The following CDC42BPA variants were observed in gnomAD, a reference collection of about 807,000 sequenced individuals.
The protein encoded by CDC42BPA is CDC42 binding protein kinase alpha, also known as serine/threonine-protein kinase MRCK alpha.
In CDC42BPA, 80 loss-of-function variants were observed where a neutral mutation model predicts 223.5. The observed-to-expected ratio is 0.36, with a 90% CI of 0.30 to 0.43. CDC42BPA has a LOEUF of 0.43. CDC42BPA is among the 20% of genes least tolerant of loss of function. CDC42BPA has a pLI of 1.00. For missense variants in CDC42BPA, 1,743 were observed against 2,099.9 expected, an observed-to-expected ratio of 0.83 and a Z score of 3.32; for synonymous variants, 694 against 718.6, an observed-to-expected ratio of 0.97 and a Z score of 0.55.
chr1:227,130,673 G>A (rs1356293426), intron 10 of CDC42BPA, among the ~76,000 whole-genome samples: 8 of 152,024 alleles, frequency 5.3e-5, no homozygotes, highest in African/African-American at 1.9e-4. Context: ...TGGCCAACAT[G>A]GTGAAACCCC....
chr1:227,279,825 G>C (rs1338566637), intron 1 of CDC42BPA, among the ~76,000 whole-genome samples: 1 of 152,136 alleles, frequency 6.6e-6, no homozygotes. Flanking sequence ...GGGAAGCCAA[G>C]GTGGGCAGAT....
intron 22 of CDC42BPA, among the ~76,000 whole-genome samples, chr1:227,048,608 ATCTT>A (rs1422251069): frequency 1.3e-5 from 2 of 151,730 alleles, no homozygotes; most frequent in Non-Finnish European, 2.9e-5. Flanking sequence ...CACATACCAT[ATCTT>A]TCTTAGGTAG....
chr1:227,139,514 A>C, intron 10 of CDC42BPA, 62 bp downstream of exon 10: 1 of 1,107,552 alleles, frequency 9.0e-7, no homozygotes, highest in Non-Finnish European at 1.2e-6. Context: ...CACTTATAAT[A>C]AACAGCTCAT....
At chr1:227,131,801 T>C (rs1657160021) in intron 10 of CDC42BPA, among the ~76,000 whole-genome samples, 1 of 152,120 alleles carries the variant, frequency 6.6e-6, no homozygotes, top group South Asian at 2.1e-4. Context: ...AGTGAGAAAA[T>C]AAATCCATAT....
intron 32 of CDC42BPA, among the ~76,000 whole-genome samples, chr1:227,019,623 G>A (rs1666991579): frequency 6.6e-6 from 1 of 152,200 alleles, no homozygotes; most frequent in Non-Finnish European, 1.5e-5. Flanking sequence ...AGACTTGAAA[G>A]TCAAAATTAC....
intron 16 of CDC42BPA, among the ~76,000 whole-genome samples, chr1:227,090,433 T>C (rs952534394): frequency 2.0e-5 from 3 of 152,198 alleles, no homozygotes; most frequent in Admixed American, 6.5e-5. Context: ...TGGAGGAAAA[T>C]ACTAGATATC....
chr1:227,054,633 T>C (rs1170037640), intron 21 of CDC42BPA, among the ~76,000 whole-genome samples: 1 of 152,192 alleles, frequency 6.6e-6, no homozygotes, highest in Non-Finnish European at 1.5e-5. Context: ...CACAAATTAG[T>C]AACTCTTTTC....
chr1:227,268,931 T>TA (rs1340765770), intron 1 of CDC42BPA, among the ~76,000 whole-genome samples: 1 of 152,054 alleles, frequency 6.6e-6, no homozygotes, highest in African/African-American at 2.4e-5. Context: ...GCAATCCATC[T>TA]ACCTTGGCCT....
At chr1:227,071,837 A>G (rs933476980) in intron 20 of CDC42BPA, among the ~76,000 whole-genome samples, 9 of 151,458 alleles carry the variant, frequency 5.9e-5, no homozygotes, top group Non-Finnish European at 1.3e-4. Flanking sequence ...TGATAACCTC[A>G]TATCATAGCA....
At chr1:227,086,666 T>C (rs1193772312) in intron 16 of CDC42BPA, among the ~76,000 whole-genome samples, 1 of 150,628 alleles carries the variant, frequency 6.6e-6, no homozygotes, top group African/African-American at 2.5e-5. Context: ...GTTGTTTATA[T>C]TTTAAGAGGT....
rs541149496 is a variant in CDC42BPA, at chr1:227,293,304, C to A, written c.178+23701G>T. Among the ~76,000 whole-genome samples, 240 of 152,130 alleles carry A rather than the reference C, an allele frequency of 1.6e-3. 2 individuals are homozygous for A. The highest frequency in any genetic ancestry group is 5.5e-3 in the African/African-American group (230 of 41,486). ...AAATGCCAGAAAATAGTGACTATGG[C>A]ATATTCTTAATCACCTTTTAACACT... On this transcript the variant is annotated intron_variant, in intron 1 of 36. Transcript: ENST00000366766.
At chr1:227,122,361 T>C (rs1044351542) in intron 11 of CDC42BPA, among the ~76,000 whole-genome samples, 3 of 152,210 alleles carry the variant, frequency 2.0e-5, no homozygotes, top group African/African-American at 7.2e-5. Context: ...TACTGACTTA[T>C]TTCAACAGCT....
chr1:227,174,357 A>T (rs1666604265), intron 5 of CDC42BPA, among the ~76,000 whole-genome samples: 1 of 152,198 alleles, frequency 6.6e-6, no homozygotes, highest in Non-Finnish European at 1.5e-5. Context: ...CTCATTGTAA[A>T]AGTAATGATT....
intron 5 of CDC42BPA, among the ~76,000 whole-genome samples, chr1:227,170,183 T>C (rs116301994): frequency 0.011 from 1,639 of 152,150 alleles, 34 homozygotes; most frequent in African/African-American, 0.037. Flanking sequence ...TGTCATGCAA[T>C]TCTGCTTTGT....
rs1325538743 is a variant in CDC42BPA, at chr1:227,015,958, T to G, written c.4857+122A>C. The stretch of plus-strand genomic sequence containing the variant: ...GTATCTTAGACATATTGTGGTATAC[T>G]GAGAGAAACATTTCCTCATTACTTT... On this transcript the variant is annotated intron_variant, in intron 34 of 36. Transcript: ENST00000366766. 4 of 660,876 alleles carry G rather than the reference T, an allele frequency of 6.1e-6. No individual in the cohort carries two copies. The Admixed American group carries it at 9.8e-5, about 16-fold the overall frequency. The allele number at this position is 660,876 out of a possible 1,614,324, so 40.9% of individuals were successfully genotyped here.
Position 227,101,081 on chromosome 1 carries a change from T to A in CDC42BPA, c.2160A>T (p.Lys720Asn), listed in dbSNP as rs1684965993. ...GCTGACCTTCTGAATCATGCAGTTC[T>A]TTCTTAAGATTTTTTATTTCATTTG... is the stretch of plus-strand genomic sequence containing the variant. The part of the protein sequence containing the change: ...IHANEIKNLK[K>N]ELHDSEGQQL... The change falls in exon 15 of 37, where the codon AAA (lysine) becomes AAT (asparagine). Residue 720 changes from lysine (K) to asparagine (N), a missense_variant. By Grantham distance (94) the Lys-to-Asn change is moderately conservative. Transcript: ENST00000366766. The A allele has an allele frequency of 6.4e-7, 1 of 1,570,190 alleles. No homozygotes were observed. Among genetic ancestry groups the A allele is most frequent in the African/African-American group, 1.4e-5 (1 of 74,068 alleles).
chr1:227,009,485 T>G (rs1270446298), intron 34 of CDC42BPA, among the ~76,000 whole-genome samples: 1 of 152,220 alleles, frequency 6.6e-6, no homozygotes, highest in Non-Finnish European at 1.5e-5. Flanking sequence ...CACGGCTCTC[T>G]GCAACTTCGA....
intron 1 of CDC42BPA, among the ~76,000 whole-genome samples, chr1:227,259,390 A>AT (rs1473129599): frequency 6.6e-6 from 1 of 151,138 alleles, no homozygotes; most frequent in Non-Finnish European, 1.5e-5. Flanking sequence ...TCAGTTCCAC[A>AT]TAATGAAAGA....
At chr1:227,170,466 A>AG (rs1553375208) in intron 5 of CDC42BPA, among the ~76,000 whole-genome samples, 4,272 of 150,902 alleles carry the variant, frequency 0.028, 186 homozygotes, top group African/African-American at 0.095. Flanking sequence ...AAAAAAAAAA[A>AG]GAAAAAAAAA....
Sources: gnomAD v4.1 joint callset for allele counts (sites outside exome capture counted in the v4.1 genomes callset) on GRCh38, gnomAD v4.1.1 for gene constraint, MANE v1.5 for transcripts, NCBI Gene and HGNC (gene_info 2026-07-23, HGNC 2026-07-21) for gene names.